DICER1: variants seen among roughly 807,000 people sequenced by gnomAD.
DICER1 encodes dicer 1, ribonuclease III.
In DICER1, 43 loss-of-function variants were observed where a neutral mutation model predicts 194.1. That is an observed-to-expected ratio of 0.22 (90% CI 0.17 to 0.29). The LOEUF is 0.29. Ranked by LOEUF, DICER1 falls within the 10% of genes least tolerant of loss-of-function variation. DICER1 has a pLI of 1.00. For synonymous variants in DICER1, 832 were observed against 820.5 expected (o/e 1.01, Z -0.24); for missense variants, 1,608 against 2,317.0 (o/e 0.69, Z 6.28).
intron 7 of DICER1, among the ~76,000 whole-genome samples, chr14:95,125,825 GA>G (rs892654115): frequency 2.7e-5 from 4 of 146,010 alleles, no homozygotes; most frequent in Middle Eastern, 3.3e-3. Context: ...AGAGAGAGAG[GA>G]AAAAAAGACA....
chr14:95,115,111 C>T (rs1351270031), intron 11 of DICER1, among the ~76,000 whole-genome samples: 2 of 152,116 alleles, frequency 1.3e-5, no homozygotes, highest in African/African-American at 4.8e-5. Context: ...ATTCTTACAA[C>T]ACTTTAAAGT....
chr14:95,133,282 A>T (rs760456853), intron 2 of DICER1, 33 bp downstream of exon 2: 3 of 1,610,434 alleles, frequency 1.9e-6, no homozygotes, highest in Non-Finnish European at 1.7e-6. Flanking sequence ...ATTTTAGTGT[A>T]GAATGCTCCA....
intron 1 of DICER1, among the ~76,000 whole-genome samples, chr14:95,150,753 T>C (rs1895460603): frequency 6.6e-6 from 1 of 152,224 alleles, no homozygotes; most frequent in Non-Finnish European, 1.5e-5. Flanking sequence ...AAAAACCAGA[T>C]AGATACCCCT....
intron 22 of DICER1, among the ~76,000 whole-genome samples, chr14:95,097,622 T>C (rs1404041924): frequency 6.6e-6 from 1 of 151,746 alleles, no homozygotes; most frequent in East Asian, 1.9e-4. Flanking sequence ...TATGCAAGTT[T>C]TTAAAAAACC....
rs1889460885 is a variant in DICER1 at position 95,087,831 on chromosome 14, G to A, written c.*2667C>T. 1 of 233,036 alleles carries A rather than the reference G, an allele frequency of 4.3e-6. No individual in the cohort carries two copies. The highest frequency in any genetic ancestry group is 2.2e-5 in the African/African-American group (1 of 45,304). 14.4% of individuals were successfully genotyped at this position (233,036 alleles called of 1,614,324 possible). A position where few individuals can be genotyped will look rare whatever the true frequency, so the allele number is the denominator to read the frequency against. On this transcript the variant is annotated 3_prime_UTR_variant, in exon 27 of 27. Coordinates refer to ENST00000343455, the MANE Select transcript of DICER1 (RefSeq NM_177438.3). ...GCTCAGGGCACAACCACACCCCACT[G>A]GTAGGTTTTCCATATTACATTCGGT...
intron 1 of DICER1, among the ~76,000 whole-genome samples, chr14:95,140,372 T>A (rs1894750791): frequency 6.6e-6 from 1 of 152,170 alleles, no homozygotes; most frequent in Admixed American, 6.5e-5. Flanking sequence ...CAAATACCAC[T>A]GTGTCACAAC....
intron 13 of DICER1, among the ~76,000 whole-genome samples, 172 bp downstream of exon 13, chr14:95,112,000 T>C (rs895424730): frequency 6.6e-6 from 1 of 152,176 alleles, no homozygotes; most frequent in African/African-American, 2.4e-5. Flanking sequence ...CCCACAACAA[T>C]GTAGGATCTT....
chr14:95,138,838 G>A, intron 1 of DICER1, among the ~76,000 whole-genome samples: 1 of 116,488 alleles, frequency 8.6e-6, no homozygotes, highest in African/African-American at 3.1e-5. Context: ...GAGGGGGGAG[G>A]GATAGCATTG....
At chr14:95,141,156 G>C (rs994117415) in intron 1 of DICER1, 2 of 152,122 alleles carry the variant, frequency 1.3e-5, no homozygotes, top group African/African-American at 4.8e-5. Flanking sequence ...AGACGTACTT[G>C]GCTGAGAAAT....
At chr14:95,117,564 A>G in intron 9 of DICER1, 58 bp downstream of exon 9, 1 of 1,582,134 alleles carries the variant, frequency 6.3e-7, no homozygotes, top group South Asian at 1.1e-5. Context: ...CCCTATGGGC[A>G]CTTTGTCTGT....
chr14:95,106,458 A>C (rs191755156), intron 17 of DICER1, among the ~76,000 whole-genome samples: 1 of 152,296 alleles, frequency 6.6e-6, no homozygotes, highest in Admixed American at 6.5e-5. Context: ...CTAAATATCT[A>C]CATTTTGATA....
chr14:95,119,790 T>A (rs1196448060), intron 8 of DICER1, among the ~76,000 whole-genome samples: 1 of 152,210 alleles, frequency 6.6e-6, no homozygotes, highest in Non-Finnish European at 1.5e-5. Flanking sequence ...AAATGAAATT[T>A]AAAAAGTATT....
Position 95,095,954 on chromosome 14 carries a change from C to T in DICER1, c.4966G>A (p.Asp1656Asn), listed in dbSNP as rs748106400. ...PRCMFDHPDADKTLNHLISGF... is the reference protein window; with the variant it reads ...PRCMFDHPDANKTLNHLISGF... Reference sequence around the variant, plus strand: ...GATATAAGGTGATTCAGTGTTTTATCTGCATCTGGATGATCAAACATACAT... The same window carrying T: ...GATATAAGGTGATTCAGTGTTTTATTTGCATCTGGATGATCAAACATACAT... The change falls in exon 23 of 27, where the codon GAT (aspartate) becomes AAT (asparagine). Residue 1656 changes from aspartate (D) to asparagine (N), a missense_variant. By Grantham distance (23) the Asp-to-Asn change is conservative. Coordinates refer to ENST00000343455, the MANE Select transcript of DICER1 (RefSeq NM_177438.3). 2 of 1,614,194 alleles carry T rather than the reference C, an allele frequency of 1.2e-6. No individual in the cohort carries two copies. The highest frequency in any genetic ancestry group is 3.3e-5 in the Admixed American group (2 of 60,016).
chr14:95,126,839 GAATA>G (rs1447292265), intron 6 of DICER1, 91 bp from the exon 7 acceptor site: 12 of 628,058 alleles, frequency 1.9e-5, no homozygotes, highest in African/African-American at 1.3e-4. Flanking sequence ...AAAAAAAAGG[GAATA>G]GATACTAAAA....
chr14:95,114,461 G>A (rs868032560), intron 11 of DICER1, among the ~76,000 whole-genome samples: 2 of 152,100 alleles, frequency 1.3e-5, no homozygotes, highest in Non-Finnish European at 2.9e-5. Flanking sequence ...ATGAATAAAC[G>A]GAGAGAAGAA....
intron 24 of DICER1, 35 bp downstream of exon 24, chr14:95,093,853 C>T (rs923743656): frequency 6.2e-7 from 1 of 1,612,504 alleles, no homozygotes; most frequent in Non-Finnish European, 8.5e-7. Flanking sequence ...CCTAGTTAGA[C>T]CACTTTTTTC....
intron 8 of DICER1, among the ~76,000 whole-genome samples, chr14:95,119,788 T>C (rs565135552): frequency 5.9e-5 from 9 of 152,312 alleles, no homozygotes; most frequent in Non-Finnish European, 1.3e-4. Flanking sequence ...GAAAATGAAA[T>C]TTAAAAAGTA....
chr14:95,132,821 G>A (rs980572651), intron 2 of DICER1, 144 bp from the exon 3 acceptor site: 9 of 758,688 alleles, frequency 1.2e-5, no homozygotes, highest in Admixed American at 4.7e-5. Flanking sequence ...CACAGTCTAC[G>A]TCTTTATACG....
rs1447120867 is a variant in DICER1 at position 95,091,215 on chromosome 14, G to A, written c.5515C>T (p.Arg1839Trp). 22 of 1,613,858 alleles carry A rather than the reference G, an allele frequency of 1.4e-5. No homozygotes were observed. The highest frequency in any genetic ancestry group is 3.3e-5 in the Admixed American group (2 of 59,984). The part of the protein sequence containing the change: ...TVWQVYYPMM[R>W]PLIEKFSANV... ...GAGCCAACAATACCTATTAGTGGCC[G>A]CATCATGGGATAGTACACCTGCCAG... The change falls in exon 25 of 27, where the codon CGG becomes TGG. Residue 1839 changes from arginine (R) to tryptophan (W), a missense_variant. Coordinates refer to ENST00000343455, the MANE Select transcript of DICER1 (RefSeq NM_177438.3).
Sources: allele counts gnomAD v4.1 joint callset (sites outside exome capture counted in the v4.1 genomes callset), GRCh38; gene constraint gnomAD v4.1.1; transcripts MANE v1.5; gene names NCBI Gene and HGNC (gene_info 2026-07-23, HGNC 2026-07-21).